Variants in PLCH1 observed in about 807,000 individuals in gnomAD.
The protein encoded by PLCH1 is phospholipase C eta 1.
Under a neutral mutation model 126.7 loss-of-function variants are expected in PLCH1, and 60 were observed. The ratio of observed to expected loss-of-function variants is 0.47; its 90% CI spans 0.38 to 0.59. The LOEUF (loss-of-function observed/expected upper bound fraction) is 0.59. Among genes scored for constraint, PLCH1 ranks in the 20% least tolerant of loss-of-function variants. The probability of loss-of-function intolerance (pLI) is 0.00; values close to 1 mark genes in which losing one functional copy is unlikely to be tolerated. For synonymous variants in PLCH1, 719 were observed against 734.9 expected (o/e 0.98, Z 0.35); for missense variants, 1,723 against 2,040.0 (o/e 0.84, Z 2.99).
In PLCH1 at chr3:155,744,988, G is replaced by C. The variant is rs1749881063; in HGVS notation, c.-189C>G. 1 of 152,718 alleles carries C rather than the reference G, an allele frequency of 6.5e-6. No individual in the cohort carries two copies. The highest frequency in any genetic ancestry group is 2.1e-4 in the South Asian group (1 of 4,836). The allele number at this position is 152,718 out of a possible 1,614,324, so 9.5% of individuals were successfully genotyped here. A position where few individuals can be genotyped will look rare whatever the true frequency, so the allele number is the denominator to read the frequency against. On this transcript the variant is annotated 5_prime_UTR_variant, in exon 1 of 23. Coordinates refer to ENST00000460012, the MANE Select transcript of PLCH1 (RefSeq NM_014996.4). ...AAGGGCCAGAAAAGCCCCCCTAGAA[G>C]AGCACTTCTCCCCACTAGCCAGCAG...
At chr3:155,637,512 A>G (rs892771099) in intron 2 of PLCH1, among the ~76,000 whole-genome samples, 1 of 152,242 alleles carries the variant, frequency 6.6e-6, no homozygotes, top group African/African-American at 2.4e-5. Context: ...AATCGATTCA[A>G]AGTTCATATT....
At chr3:155,692,839 C>A (rs1482865335) in intron 2 of PLCH1, among the ~76,000 whole-genome samples, 10 of 152,026 alleles carry the variant, frequency 6.6e-5, no homozygotes, top group Admixed American at 6.5e-4. Flanking sequence ...TCACTGCAAG[C>A]TCCGCCTTCC....
chr3:155,575,740 TG>T (rs1729855304), intron 6 of PLCH1, among the ~76,000 whole-genome samples: 1 of 152,158 alleles, frequency 6.6e-6, no homozygotes, highest in Non-Finnish European at 1.5e-5. Flanking sequence ...CACTGCAGCC[TG>T]GAACTCCCAG....
chr3:155,575,823 A>T (rs1729868355), intron 6 of PLCH1, among the ~76,000 whole-genome samples: 1 of 151,864 alleles, frequency 6.6e-6, no homozygotes, highest in Non-Finnish European at 1.5e-5. Flanking sequence ...CACCCAACTA[A>T]TTTTTGTTTA....
chr3:155,543,101 G>T (rs1354562687), intron 10 of PLCH1, among the ~76,000 whole-genome samples: 3 of 152,090 alleles, frequency 2.0e-5, no homozygotes, highest in Admixed American at 2.0e-4. Context: ...AGCTACAGGA[G>T]GAAATTCAAA....
chr3:155,634,633 A>G (rs1398691900), intron 2 of PLCH1, among the ~76,000 whole-genome samples: 1 of 152,210 alleles, frequency 6.6e-6, no homozygotes, highest in Non-Finnish European at 1.5e-5. Context: ...TGGGCTCCAG[A>G]GGCTGGAGAA....
intron 5 of PLCH1, among the ~76,000 whole-genome samples, chr3:155,585,116 G>A (rs1731188698): frequency 6.6e-6 from 1 of 152,050 alleles, no homozygotes; most frequent in Non-Finnish European, 1.5e-5. Context: ...GTTCTCCAGT[G>A]CAATGGGACT....
intron 2 of PLCH1, among the ~76,000 whole-genome samples, chr3:155,603,907 G>A (rs1734050663): frequency 6.6e-6 from 1 of 151,994 alleles, no homozygotes; most frequent in Admixed American, 6.6e-5. Flanking sequence ...AGACCAGCCA[G>A]GACCACATAG....
intron 2 of PLCH1, among the ~76,000 whole-genome samples, chr3:155,655,635 C>G (rs1244687048): frequency 6.6e-6 from 1 of 152,098 alleles, no homozygotes; most frequent in Non-Finnish European, 1.5e-5. Context: ...TCAGACAATA[C>G]TACAAACTTC....
chr3:155,478,970 A>G (rs1395486081), downstream of PLCH1, among the ~76,000 whole-genome samples: 2 of 152,154 alleles, frequency 1.3e-5, no homozygotes, highest in East Asian at 3.9e-4. Context: ...CACCTTAAAT[A>G]TTTGTCTTTT....
At chr3:155,601,695 T>C (rs1733752768) in intron 2 of PLCH1, among the ~76,000 whole-genome samples, 1 of 151,586 alleles carries the variant, frequency 6.6e-6, no homozygotes, top group South Asian at 2.1e-4. Context: ...CTGATGCTGA[T>C]TTTTTTTTAC....
chr3:155,710,693 C>T (rs767180672), intron 1 of PLCH1, among the ~76,000 whole-genome samples: 1 of 151,896 alleles, frequency 6.6e-6, no homozygotes. Context: ...ATTAGCCAGT[C>T]GTGTTAGCAT....
chr3:155,578,468 A>G (rs1425487226), intron 6 of PLCH1, among the ~76,000 whole-genome samples: 1 of 152,232 alleles, frequency 6.6e-6, no homozygotes. Flanking sequence ...ATCTAATCAC[A>G]TGGTTGGTTG....
chr3:155,684,504 T>C (rs563162050), intron 2 of PLCH1, among the ~76,000 whole-genome samples: 103 of 152,160 alleles, frequency 6.8e-4, no homozygotes, highest in African/African-American at 2.5e-3. Flanking sequence ...GGGAGCGGGA[T>C]GGCCATAAAC....
At chr3:155,676,053 A>G in intron 2 of PLCH1, 1 of 1,519,228 alleles carries the variant, frequency 6.6e-7, no homozygotes, top group Non-Finnish European at 8.8e-7. Flanking sequence ...ATTTAATACT[A>G]TTACACATTA....
chr3:155,739,939 C>A (rs1020129322), intron 1 of PLCH1, among the ~76,000 whole-genome samples: 1 of 152,130 alleles, frequency 6.6e-6, no homozygotes, highest in Admixed American at 6.5e-5. Context: ...AAAATATTTA[C>A]AGAACAATAA....
At chr3:155,684,177 C>T (rs1288185184) in intron 2 of PLCH1, among the ~76,000 whole-genome samples, 1 of 152,154 alleles carries the variant, frequency 6.6e-6, no homozygotes, top group African/African-American at 2.4e-5. Flanking sequence ...AACGCAAACC[C>T]CCTACCCCCT....
At chr3:155,716,687 C>T (rs973749788) in intron 1 of PLCH1, among the ~76,000 whole-genome samples, 2 of 152,186 alleles carry the variant, frequency 1.3e-5, no homozygotes, top group Non-Finnish European at 2.9e-5. Flanking sequence ...CATCCTTCCC[C>T]ATGACCCAAA....
intron 7 of PLCH1, among the ~76,000 whole-genome samples, chr3:155,567,062 T>C (rs1473689099): frequency 6.6e-6 from 1 of 152,058 alleles, no homozygotes; most frequent in Non-Finnish European, 1.5e-5. Flanking sequence ...TGATATAAGA[T>C]TTTATTTTAT....
Sources: gnomAD v4.1 joint callset for allele counts (sites outside exome capture counted in the v4.1 genomes callset) on GRCh38, gnomAD v4.1.1 for gene constraint, MANE v1.5 for transcripts, NCBI Gene and HGNC (gene_info 2026-07-23, HGNC 2026-07-21) for gene names.